Variants in WDPCP observed in about 807,000 individuals in gnomAD.
The protein encoded by WDPCP is WD repeat containing planar cell polarity effector.
WDPCP carries 71 observed loss-of-function variants against 93.1 expected under a neutral mutation model. The ratio of observed to expected loss-of-function variants is 0.76; its 90% CI spans 0.63 to 0.93. WDPCP has a LOEUF of 0.93. Ranked by LOEUF, WDPCP falls within the 40% of genes least tolerant of loss-of-function variation. The pLI is 0.00. For synonymous variants in WDPCP, 315 were observed against 315.0 expected (o/e 1.00, Z 0.00); for missense variants, 844 against 887.4 (o/e 0.95, Z 0.62).
At chr2:63,324,314 C>T (rs2104210629) in intron 12 of WDPCP, among the ~76,000 whole-genome samples, 1 of 152,120 alleles carries the variant, frequency 6.6e-6, no homozygotes, top group East Asian at 1.9e-4. Flanking sequence ...CCTATGGCTC[C>T]CCCTCCTATT....
At chr2:63,187,370 C>G (rs1553552858) in intron 14 of WDPCP, among the ~76,000 whole-genome samples, 1 of 152,112 alleles carries the variant, frequency 6.6e-6, no homozygotes, top group South Asian at 2.1e-4. Context: ...AAAGTAATTA[C>G]CGATATGGAA....
At chr2:63,733,476 A>T (rs1669593752) in intron 2 of WDPCP, among the ~76,000 whole-genome samples, 1 of 152,060 alleles carries the variant, frequency 6.6e-6, no homozygotes, top group Admixed American at 6.5e-5. Context: ...TGCTGGGATT[A>T]CAGGCGTGAG....
At chr2:63,488,060 G>C (rs1193297943) in intron 2 of WDPCP, among the ~76,000 whole-genome samples, 1 of 152,076 alleles carries the variant, frequency 6.6e-6, no homozygotes, top group Non-Finnish European at 1.5e-5. Context: ...CGGACACTTT[G>C]CTGGGGCTAC....
At chr2:63,320,352 C>T (rs966580776) in intron 12 of WDPCP, among the ~76,000 whole-genome samples, 59 of 152,116 alleles carry the variant, frequency 3.9e-4, no homozygotes, top group African/African-American at 1.2e-3. Flanking sequence ...AAAATAAATG[C>T]TAGATGGAAA....
chr2:63,404,773 C>T, intron 9 of WDPCP, 116 bp from the exon 10 acceptor site: 2 of 1,245,622 alleles, frequency 1.6e-6, no homozygotes, highest in African/African-American at 3.0e-5. Flanking sequence ...CTATCTTAAA[C>T]ATCAGCAACA....
chr2:63,186,946 T>C (rs1042388809), intron 14 of WDPCP, among the ~76,000 whole-genome samples: 10 of 152,160 alleles, frequency 6.6e-5, no homozygotes, highest in African/African-American at 1.7e-4. Flanking sequence ...CTATCCATTA[T>C]TGAAAGTGGG....
intron 3 of WDPCP, among the ~76,000 whole-genome samples, chr2:63,648,167 G>A (rs1710073522): frequency 6.6e-6 from 1 of 152,068 alleles, no homozygotes; most frequent in Non-Finnish European, 1.5e-5. Context: ...ATGATCTAGG[G>A]CTTCCCTGTG....
chr2:63,511,772 TAAGACCTAAAA>T (rs1702249635), intron 1 of WDPCP, among the ~76,000 whole-genome samples: 1 of 152,200 alleles, frequency 6.6e-6, no homozygotes, highest in African/African-American at 2.4e-5. Flanking sequence ...GATTTAAACG[TAAGACCTAAAA>T]CTATGAAAAC....
At chr2:63,837,452 G>C in the WDPCP span, among the ~76,000 whole-genome samples, 1 of 152,178 alleles carries the variant, frequency 6.6e-6, no homozygotes, top group Non-Finnish European at 1.5e-5. Flanking sequence ...GTGGATAACT[G>C]TTGCCTGGTC....
At chr2:63,353,925 T>C (rs191228431) in intron 12 of WDPCP, among the ~76,000 whole-genome samples, 6 of 152,074 alleles carry the variant, frequency 3.9e-5, no homozygotes, top group Admixed American at 3.9e-4. Flanking sequence ...CCATATCTCC[T>C]CACTGGGCAG....
At chr2:63,571,355 A>T (rs1163251629) in intron 1 of WDPCP, 1 of 453,916 alleles carries the variant, frequency 2.2e-6, no homozygotes, top group Non-Finnish European at 4.4e-6. Flanking sequence ...AGAAATAAAT[A>T]TATTTACCCA....
chr2:63,732,238 T>C (rs1669571274), intron 2 of WDPCP, among the ~76,000 whole-genome samples: 2 of 152,210 alleles, frequency 1.3e-5, no homozygotes, highest in Non-Finnish European at 2.9e-5. Flanking sequence ...ACATGAGCTG[T>C]TATGGATGCC....
chr2:63,723,028 C>A (rs1331233910), intron 2 of WDPCP, among the ~76,000 whole-genome samples: 1 of 152,160 alleles, frequency 6.6e-6, no homozygotes, highest in East Asian at 1.9e-4. Flanking sequence ...GTCCACTCAG[C>A]GTTGAACGGA....
chr2:63,768,923 C>G (rs1670185431), intron 2 of WDPCP, among the ~76,000 whole-genome samples: 1 of 151,960 alleles, frequency 6.6e-6, no homozygotes, highest in Non-Finnish European at 1.5e-5. Flanking sequence ...GGGGAGATCT[C>G]TTTGGTCCTA....
rs372740449 is a variant in WDPCP at position 63,373,597 on chromosome 2, C to A, written c.1748+4789G>T. 4.4e-4 allele frequency among the ~76,000 whole-genome samples: 66 copies of A among 149,988 alleles called. No homozygotes were observed. In the East Asian group the frequency reaches 0.011, roughly 26 times the overall value. ...GATGTCTTTAAAAAAAAAAAAAAAA[C>A]TGAGGAAAAAAATCTGTTTTACATT... On this transcript the variant is annotated intron_variant, in intron 12 of 17. Transcript: ENST00000272321.
chr2:63,557,179 G>A (rs950059226), intron 1 of WDPCP, among the ~76,000 whole-genome samples: 3 of 152,114 alleles, frequency 2.0e-5, no homozygotes, highest in Non-Finnish European at 4.4e-5. Context: ...AAATGTAAAT[G>A]GACTAAATGC....
intron 13 of WDPCP, among the ~76,000 whole-genome samples, chr2:63,312,924 G>T (rs1163192513): frequency 6.6e-6 from 1 of 151,922 alleles, no homozygotes; most frequent in Non-Finnish European, 1.5e-5. Context: ...TCAGAGAATG[G>T]ATTAGAAAGA....
intron 2 of WDPCP, among the ~76,000 whole-genome samples, chr2:63,795,594 A>G (rs1670603579): frequency 6.6e-6 from 1 of 151,964 alleles, no homozygotes; most frequent in Non-Finnish European, 1.5e-5. Context: ...AGAAGGAAAG[A>G]AAGAAAGAAA....
At chr2:63,801,744 T>G (rs976398963) in intron 2 of WDPCP, among the ~76,000 whole-genome samples, 1 of 152,174 alleles carries the variant, frequency 6.6e-6, no homozygotes, top group African/African-American at 2.4e-5. Flanking sequence ...ACAATCCTCC[T>G]GCAAGACAGG....
Sources: allele counts gnomAD v4.1 joint callset (sites outside exome capture counted in the v4.1 genomes callset), GRCh38; gene constraint gnomAD v4.1.1; transcripts MANE v1.5; gene names NCBI Gene and HGNC (gene_info 2026-07-23, HGNC 2026-07-21).